The following SH3RF3 variants were observed in gnomAD, a reference collection of about 807,000 sequenced individuals.
The protein encoded by SH3RF3 is E3 ubiquitin-protein ligase SH3RF3.
Under a neutral mutation model 66.3 loss-of-function variants are expected in SH3RF3, and 29 were observed. The ratio of observed to expected loss-of-function variants is 0.44; its 90% CI spans 0.33 to 0.60. The LOEUF (loss-of-function observed/expected upper bound fraction) is 0.60, where lower values mean the gene tolerates loss of function less well. Ranked by LOEUF, SH3RF3 falls within the 20% of genes least tolerant of loss-of-function variation. The pLI is 0.04. For missense variants in SH3RF3, 1,194 were observed against 1,190.9 expected (o/e 1.00, Z -0.04); for synonymous variants, 583 against 532.0 (o/e 1.10, Z -1.32).
rs754799448 is a variant in SH3RF3 at position 109,449,387 on chromosome 2, C to G, written c.2046C>G (p.Ala682=). The G allele has an allele frequency of 6.2e-7, 1 of 1,612,252 alleles. No homozygotes were observed. The highest frequency in any genetic ancestry group is 8.5e-7 in the Non-Finnish European group (1 of 1,179,086). The change falls in exon 8 of 10, where the codon GCC becomes GCG. Residue 682 remains alanine, a synonymous_variant. Coordinates refer to ENST00000309415, the MANE Select transcript of SH3RF3 (RefSeq NM_001099289.3). Reference sequence around the variant, plus strand: ...CCATCACACCTCCCAACGTCAGTGCCGCAAACCTCAACGGGGAGGCTGGAG... The same window carrying G: ...CCATCACACCTCCCAACGTCAGTGCGGCAAACCTCAACGGGGAGGCTGGAG... The part of the protein sequence containing the change: ...ASAITPPNVS[A]ANLNGEAGGG...
At chr2:109,246,535 C>A (rs1050674276) in intron 1 of SH3RF3, among the ~76,000 whole-genome samples, 1 of 152,238 alleles carries the variant, frequency 6.6e-6, no homozygotes, top group Non-Finnish European at 1.5e-5. Context: ...CCATTGCATA[C>A]TCCAAGGAAT....
intron 9 of SH3RF3, among the ~76,000 whole-genome samples, chr2:109,499,499 G>A (rs1679336146): frequency 6.6e-6 from 1 of 152,180 alleles, no homozygotes. Flanking sequence ...AAGGGCTGGG[G>A]GTGCAGGGGC....
chr2:109,497,370 G>A (rs932814741), intron 9 of SH3RF3, among the ~76,000 whole-genome samples: 1 of 152,144 alleles, frequency 6.6e-6, no homozygotes, highest in Non-Finnish European at 1.5e-5. Context: ...TGTCAGGGAG[G>A]GAAGCAGACG....
chr2:109,340,475 A>T (rs921008254), intron 1 of SH3RF3, among the ~76,000 whole-genome samples: 1 of 152,172 alleles, frequency 6.6e-6, no homozygotes, highest in Non-Finnish European at 1.5e-5. Context: ...TTCTTTGCTG[A>T]ATTCACTTAT....
chr2:109,362,244 A>G (rs558329289), intron 2 of SH3RF3, among the ~76,000 whole-genome samples: 13 of 152,294 alleles, frequency 8.5e-5, no homozygotes, highest in African/African-American at 3.1e-4. Flanking sequence ...GCATCTCACA[A>G]ATGTTGGTAA....
At chr2:109,453,788 T>C (rs548431193) in intron 8 of SH3RF3, among the ~76,000 whole-genome samples, 1 of 152,248 alleles carries the variant, frequency 6.6e-6, no homozygotes, top group South Asian at 2.1e-4. Flanking sequence ...GACCTGCGTG[T>C]GGGAACAGAG....
intron 1 of SH3RF3, among the ~76,000 whole-genome samples, chr2:109,231,265 A>G (rs1679508366): frequency 1.3e-5 from 2 of 152,228 alleles, no homozygotes; most frequent in African/African-American, 4.8e-5. Flanking sequence ...TTTCTTCTAC[A>G]GCTGAGAGGA....
chr2:109,222,266 C>T (rs556810391), intron 1 of SH3RF3, among the ~76,000 whole-genome samples: 2 of 152,244 alleles, frequency 1.3e-5, no homozygotes, highest in Non-Finnish European at 2.9e-5. Flanking sequence ...GGAATGAATT[C>T]TCGTGTTTGA....
chr2:109,400,237 CAT>C (rs996075376), intron 4 of SH3RF3, among the ~76,000 whole-genome samples: 28 of 152,118 alleles, frequency 1.8e-4, no homozygotes, highest in Admixed American at 1.2e-3. Context: ...CACACACACA[CAT>C]ATTACATGGA....
chr2:109,479,569 A>G (rs1047554322), intron 8 of SH3RF3, among the ~76,000 whole-genome samples: 8 of 152,124 alleles, frequency 5.3e-5, no homozygotes, highest in African/African-American at 1.9e-4. Context: ...GGGCAGAGGA[A>G]GCAGCAGCCA....
At chr2:109,463,621 T>C (rs1678263535) in intron 8 of SH3RF3, among the ~76,000 whole-genome samples, 1 of 152,224 alleles carries the variant, frequency 6.6e-6, no homozygotes, top group South Asian at 2.1e-4. Context: ...ACAGGGACTC[T>C]GGAAGCAATG....
At chr2:109,275,015 A>G (rs984009067) in intron 1 of SH3RF3, among the ~76,000 whole-genome samples, 3 of 152,236 alleles carry the variant, frequency 2.0e-5, no homozygotes, top group Non-Finnish European at 4.4e-5. Context: ...AGCACCATTT[A>G]TACTGTAATA....
At chr2:109,319,578 G>T (rs377134125) in intron 1 of SH3RF3, among the ~76,000 whole-genome samples, 2 of 152,322 alleles carry the variant, frequency 1.3e-5, no homozygotes, top group East Asian at 3.9e-4. Flanking sequence ...GCCCAGTGGG[G>T]CTCGTTCCAG....
At chr2:109,277,036 T>G (rs910107268) in intron 1 of SH3RF3, among the ~76,000 whole-genome samples, 6 of 152,098 alleles carry the variant, frequency 3.9e-5, no homozygotes, top group African/African-American at 1.4e-4. Context: ...ACCTGTCAAA[T>G]GGCAGGCACC....
chr2:109,184,097 T>C (rs1678130982), intron 1 of SH3RF3, among the ~76,000 whole-genome samples: 1 of 152,196 alleles, frequency 6.6e-6, no homozygotes, highest in South Asian at 2.1e-4. Flanking sequence ...GCCCATGTGG[T>C]GGTTCCATGT....
intron 1 of SH3RF3, among the ~76,000 whole-genome samples, chr2:109,231,034 G>A (rs907113986): frequency 2.0e-5 from 3 of 152,242 alleles, no homozygotes; most frequent in Non-Finnish European, 4.4e-5. Flanking sequence ...GTTCCTGAAT[G>A]TCAGCACGGA....
chr2:109,432,805 G>A, intron 6 of SH3RF3, 134 bp downstream of exon 6: 1 of 1,230,172 alleles, frequency 8.1e-7, no homozygotes, highest in Non-Finnish European at 1.1e-6. Context: ...CCAGGGTTCA[G>A]CCCCCACTGG....
At chr2:109,275,576 A>T (rs558261735) in intron 1 of SH3RF3, among the ~76,000 whole-genome samples, 16 of 152,318 alleles carry the variant, frequency 1.1e-4, no homozygotes, top group Middle Eastern at 3.4e-3. Context: ...AGCACTCAAA[A>T]GAGTGCCCCG....
At chr2:109,435,024 C>T (rs1357742288) in intron 6 of SH3RF3, among the ~76,000 whole-genome samples, 1 of 152,176 alleles carries the variant, frequency 6.6e-6, no homozygotes, top group African/African-American at 2.4e-5. Flanking sequence ...TGGTTGCTCA[C>T]TCTCCTCAAG....
Sources: gnomAD v4.1 joint callset for allele counts (sites outside exome capture counted in the v4.1 genomes callset) on GRCh38, gnomAD v4.1.1 for gene constraint, MANE v1.5 for transcripts, NCBI Gene and HGNC (gene_info 2026-07-23, HGNC 2026-07-21) for gene names.